The following PLD5 variants were observed in gnomAD, a reference collection of about 807,000 sequenced individuals.
PLD5 encodes the protein inactive phospholipase D5.
A neutral mutation model predicts 61.1 loss-of-function variants in PLD5; 36 were observed. The observed-to-expected ratio is 0.59, with a 90% CI of 0.45 to 0.78. The LOEUF (loss-of-function observed/expected upper bound fraction) is 0.78, where lower values mean the gene tolerates loss of function less well. Among genes scored for constraint, PLD5 ranks in the 30% least tolerant of loss-of-function variants. The probability of loss-of-function intolerance (pLI) is 0.00; values close to 1 mark genes in which losing one functional copy is unlikely to be tolerated. For synonymous variants in PLD5, 243 were observed against 242.8 expected (o/e 1.00, Z -0.01); for missense variants, 515 against 644.4 (o/e 0.80, Z 2.17).
At chr1:242,216,986 C>A (rs1384635464) in intron 5 of PLD5, among the ~76,000 whole-genome samples, 1 of 152,198 alleles carries the variant, frequency 6.6e-6, no homozygotes, top group African/African-American at 2.4e-5. Flanking sequence ...TGGAACAAAG[C>A]TGGGATGATA....
At chr1:242,465,396 G>A (rs12402164) in intron 1 of PLD5, among the ~76,000 whole-genome samples, 103,779 of 152,092 alleles carry the variant, frequency 0.68, 36,036 homozygotes, top group African/African-American at 0.8. Context: ...ATAACCTATA[G>A]TAGATTCTCA....
intron 1 of PLD5, among the ~76,000 whole-genome samples, chr1:242,416,508 CTA>C (rs1276711735): frequency 6.6e-6 from 1 of 152,048 alleles, no homozygotes; most frequent in Admixed American, 6.6e-5. Flanking sequence ...TTTTATGAAT[CTA>C]TAATCAGTAG....
chr1:242,372,899 T>C (rs546781966), intron 1 of PLD5, among the ~76,000 whole-genome samples: 18 of 152,186 alleles, frequency 1.2e-4, no homozygotes, highest in African/African-American at 4.1e-4. Context: ...ACTTCATGTC[T>C]AAAACACCAA....
At chr1:242,271,298 A>G (rs1317282407) in intron 3 of PLD5, among the ~76,000 whole-genome samples, 2 of 151,052 alleles carry the variant, frequency 1.3e-5, no homozygotes, top group Non-Finnish European at 2.9e-5. Context: ...GAGATACAGC[A>G]TGTGGCTCAT....
At chr1:242,100,839 C>G in intron 8 of PLD5, 57 bp from the exon 9 acceptor site, 1 of 1,193,512 alleles carries the variant, frequency 8.4e-7, no homozygotes, top group Non-Finnish European at 1.2e-6. Flanking sequence ...TGGTCTTGTC[C>G]AAGAGCACAA....
chr1:242,163,337 G>T (rs1666026671), intron 5 of PLD5, among the ~76,000 whole-genome samples: 1 of 151,912 alleles, frequency 6.6e-6, no homozygotes, highest in South Asian at 2.1e-4. Context: ...CACAGACGGG[G>T]TTTCACTGTG....
At chr1:242,344,295 T>C (rs1660008443) in intron 2 of PLD5, among the ~76,000 whole-genome samples, 1 of 152,166 alleles carries the variant, frequency 6.6e-6, no homozygotes. Flanking sequence ...AGAGCACACC[T>C]AGAGCCTTCT....
chr1:242,420,843 G>C (rs747436496), intron 1 of PLD5, among the ~76,000 whole-genome samples: 3 of 152,066 alleles, frequency 2.0e-5, no homozygotes, highest in African/African-American at 7.3e-5. Context: ...TTCAAAAAAT[G>C]CATGTCCATT....
rs115403917 is a variant in PLD5, at chr1:242,318,569, G to A, written c.326+29537C>T. Among the ~76,000 whole-genome samples, 964 of 152,262 alleles carry A rather than the reference G, an allele frequency of 6.3e-3. 7 individuals are homozygous for A. The highest frequency in any genetic ancestry group is 0.022 in the African/African-American group (907 of 41,542). ...CATCTCGTACCTTGTGAATCCCGAC[G>A]TGGGATGTGGGATGCCTGCCAAAGG... On this transcript the variant is annotated intron_variant, in intron 2 of 9. Transcript: ENST00000536534.
chr1:242,384,919 G>A (rs1298736205), intron 1 of PLD5, among the ~76,000 whole-genome samples: 1 of 152,098 alleles, frequency 6.6e-6, no homozygotes, highest in Non-Finnish European at 1.5e-5. Flanking sequence ...TAATATCTTG[G>A]GAAATAAATA....
Position 242,120,728 on chromosome 1 carries a change from T to C in PLD5, c.933+3740A>G, listed in dbSNP as rs531285270. Among the ~76,000 whole-genome samples the C allele has an allele frequency of 1.0e-3, 153 of 152,316 alleles. 1 individual carries two copies. Among genetic ancestry groups the C allele is most frequent in the African/African-American group, 3.6e-3 (149 of 41,570 alleles). ...AAACAGACCTTGAACTAGTCTTTTA[T>C]CTTGGAAAGCAATTGCTTAAGCTTA... On this transcript the variant is annotated intron_variant, in intron 6 of 9. Transcript: ENST00000536534.
intron 1 of PLD5, among the ~76,000 whole-genome samples, chr1:242,444,432 G>A (rs1666412869): frequency 6.6e-6 from 1 of 151,574 alleles, no homozygotes; most frequent in Non-Finnish European, 1.5e-5. Context: ...GTGGTTACAG[G>A]TTATCAATGA....
chr1:242,509,829 G>T (rs925631441), intron 1 of PLD5, among the ~76,000 whole-genome samples: 9 of 152,170 alleles, frequency 5.9e-5, no homozygotes, highest in Middle Eastern at 3.2e-3. Context: ...GAATTACTCG[G>T]CGGCTTATTG....
upstream of PLD5, among the ~76,000 whole-genome samples, chr1:242,529,060 A>T (rs961301619): frequency 2.6e-5 from 4 of 152,234 alleles, no homozygotes; most frequent in African/African-American, 4.8e-5. Context: ...CAAGAAATAG[A>T]TTCAACAGCT....
In PLD5 at chr1:242,085,307, T is replaced by A. The variant is rs1299608842; in HGVS notation, c.*4547A>T. 10 of 152,130 alleles carry A rather than the reference T, an allele frequency of 6.6e-5. No individual in the cohort carries two copies. The highest frequency in any genetic ancestry group is 6.6e-4 in the Admixed American group (10 of 15,262). 9.4% of individuals were successfully genotyped at this position (152,130 alleles called of 1,614,324 possible). ...TTTTAGAACCTTGTAAATACAAGAC[T>A]GCTAATGGGTCAAAAATAAGAAAAT... On this transcript the variant is annotated 3_prime_UTR_variant, in exon 10 of 10. Coordinates refer to ENST00000536534, the MANE Select transcript of PLD5 (RefSeq NM_001372062.1).
intron 4 of PLD5, among the ~76,000 whole-genome samples, chr1:242,224,963 T>A (rs10926665): frequency 0.3 from 46,238 of 152,104 alleles, 7,333 homozygotes; most frequent in East Asian, 0.54. Context: ...TTTTGCAGTA[T>A]CTTCCTCTTC....
chr1:242,163,187 A>T (rs1171540127), intron 5 of PLD5, among the ~76,000 whole-genome samples: 4 of 144,792 alleles, frequency 2.8e-5, no homozygotes, highest in African/African-American at 1.0e-4. Flanking sequence ...TCTGTCACCC[A>T]GGCTGGAGTG....
intron 5 of PLD5, among the ~76,000 whole-genome samples, chr1:242,134,689 A>G (rs1057110652): frequency 6.6e-6 from 1 of 152,168 alleles, no homozygotes; most frequent in Non-Finnish European, 1.5e-5. Flanking sequence ...GATTTAGAGC[A>G]TTGCTCGCTG....
At position 242,149,670 on chromosome 1, in the gene PLD5, TACACACACACAC is replaced by T. The variant is rs58100712; in HGVS notation, c.736-25017_736-25006del. ...TCAGAAGACTTAAGTTTTATACACATACACACACACACACACACACACACACAGATTTAGTAG... is the reference window on the plus strand; with the variant it reads ...TCAGAAGACTTAAGTTTTATACACATACACACACACACACAGATTTAGTAG... On this transcript the variant is annotated intron_variant, in intron 5 of 9. Transcript: ENST00000536534. 1.0e-3 allele frequency among the ~76,000 whole-genome samples: 148 copies of T among 146,688 alleles called. 1 individual carries two copies. The highest frequency in any genetic ancestry group is 3.6e-3 in the African/African-American group (146 of 40,124).
Sources: allele counts gnomAD v4.1 joint callset (sites outside exome capture counted in the v4.1 genomes callset), GRCh38; gene constraint gnomAD v4.1.1; transcripts MANE v1.5; gene names NCBI Gene and HGNC (gene_info 2026-07-23, HGNC 2026-07-21).